The following CSMD3 variants were observed in gnomAD, a reference collection of about 807,000 sequenced individuals.
CSMD3 encodes the protein CUB and sushi domain-containing protein 3.
In CSMD3, 177 loss-of-function variants were observed where a neutral mutation model predicts 435.2. The observed-to-expected ratio is 0.41, with a 90% CI of 0.36 to 0.46. The LOEUF (loss-of-function observed/expected upper bound fraction) is 0.46, where lower values mean the gene tolerates loss of function less well. Ranked by LOEUF, CSMD3 falls within the 20% of genes least tolerant of loss-of-function variation. The pLI, the probability that CSMD3 is intolerant of heterozygous loss-of-function variation, is 0.34. For missense variants in CSMD3, 4,265 were observed against 4,504.6 expected (o/e 0.95, Z 1.52); for synonymous variants, 1,656 against 1,520.5 (o/e 1.09, Z -2.07).
At position 112,867,011 on chromosome 8, in the gene CSMD3, T is replaced by G. The variant is rs528057932; in HGVS notation, c.1634-7745A>C. 9.9e-5 allele frequency among the ~76,000 whole-genome samples: 15 copies of G among 152,230 alleles called. No homozygotes were observed. In the South Asian group the frequency reaches 2.7e-3, roughly 27 times the overall value. On this transcript the variant is annotated intron_variant, in intron 10 of 70. Transcript: ENST00000297405. ...ACTTACTTATTTAAATGTTTCTCAT[T>G]GGGCTGTGTTAGGCAAGACAATAAA...
intron 3 of CSMD3, among the ~76,000 whole-genome samples, chr8:113,201,696 T>C (rs1270876085): frequency 1.3e-5 from 2 of 152,080 alleles, no homozygotes; most frequent in East Asian, 3.9e-4. Context: ...AGAGACAGCA[T>C]GTGACTTTTG....
intron 1 of CSMD3, among the ~76,000 whole-genome samples, chr8:113,339,979 G>C (rs2094106832): frequency 6.6e-6 from 1 of 151,564 alleles, no homozygotes; most frequent in Non-Finnish European, 1.5e-5. Context: ...CTATAATCAA[G>C]GTGTATTTCT....
chr8:113,049,056 T>C lies in CSMD3; in HGVS notation c.918-29877A>G, dbSNP rs546176993. Among the ~76,000 whole-genome samples, 12 of 152,166 alleles carry C rather than the reference T, an allele frequency of 7.9e-5. 1 individual carries two copies. In the South Asian group the frequency reaches 2.3e-3, roughly 29 times the overall value. The stretch of plus-strand genomic sequence containing the variant: ...GAGTTCAAGACCAGCGTGGTCAACA[T>C]AGTGAAACCCCATCTCTAGTAAAAC... On this transcript the variant is annotated intron_variant, in intron 5 of 70. Transcript: ENST00000297405.
intron 11 of CSMD3, among the ~76,000 whole-genome samples, chr8:112,833,047 G>A (rs532127654): frequency 1.6e-4 from 24 of 152,004 alleles, no homozygotes; most frequent in African/African-American, 5.8e-4. Flanking sequence ...CCACAAATTG[G>A]CTTATTTTTA....
Position 113,267,823 on chromosome 8 carries a change from AAAG to A in CSMD3, c.514+10766_514+10768del, listed in dbSNP as rs2093484649. 3.3e-5 allele frequency among the ~76,000 whole-genome samples: 5 copies of A among 151,928 alleles called. No homozygotes were observed. The South Asian group carries it at 8.3e-4, about 25-fold the overall frequency. On this transcript the variant is annotated intron_variant, in intron 3 of 70. Coordinates refer to ENST00000297405, the MANE Select transcript of CSMD3 (RefSeq NM_198123.2). The stretch of plus-strand genomic sequence containing the variant: ...TCATGAATTTGCACAAATAAAAAAT[AAAG>A]AAAATGCAAAACTATACAAAAAGAC...
chr8:112,648,823 C>G (rs1009771312), intron 19 of CSMD3, among the ~76,000 whole-genome samples: 2 of 152,130 alleles, frequency 1.3e-5, no homozygotes, highest in Non-Finnish European at 2.9e-5. Context: ...GTCTGGCAAA[C>G]ATAGGACTTT....
intron 1 of CSMD3, among the ~76,000 whole-genome samples, chr8:113,402,268 A>T (rs2094513840): frequency 6.6e-6 from 1 of 151,356 alleles, no homozygotes; most frequent in South Asian, 2.1e-4. Flanking sequence ...AATTTGACTC[A>T]AAATTTACTG....
rs1203991072 is a variant in CSMD3 at position 112,794,285 on chromosome 8, C to CTTTT, written c.1972+5873_1972+5876dup. ...TTGCCCCAGATGCTGGACTGATAAA[C>CTTTT]TTTTTTTTTTTTTTTTTTTTTTTTT... On this transcript the variant is annotated intron_variant, in intron 13 of 70. Coordinates refer to ENST00000297405, the MANE Select transcript of CSMD3 (RefSeq NM_198123.2). Among the ~76,000 whole-genome samples the CTTTT allele has an allele frequency of 3.9e-4, 38 of 96,342 alleles. 7 individuals carry two copies. The highest frequency in any genetic ancestry group is 5.0e-4 in the African/African-American group (13 of 25,814). The allele number at this position is 96,342 out of a possible 152,430, so 63.2% of individuals were successfully genotyped here.
intron 3 of CSMD3, among the ~76,000 whole-genome samples, chr8:113,192,860 A>G (rs968017821): frequency 6.6e-6 from 1 of 151,214 alleles, no homozygotes; most frequent in Non-Finnish European, 1.5e-5. Flanking sequence ...TCTATGCTAG[A>G]GAACTTCTTC....
chr8:112,611,426 T>C (rs1407576344), intron 22 of CSMD3, among the ~76,000 whole-genome samples: 1 of 152,202 alleles, frequency 6.6e-6, no homozygotes, highest in Non-Finnish European at 1.5e-5. Context: ...ATTGTCTTCT[T>C]TATGTTAATA....
chr8:113,418,266 A>G (rs544739158), intron 1 of CSMD3, among the ~76,000 whole-genome samples: 1 of 152,306 alleles, frequency 6.6e-6, no homozygotes, highest in African/African-American at 2.4e-5. Context: ...TTTTAACTAG[A>G]GAGCATTTAG....
At chr8:112,913,161 G>A (rs187714759) in intron 10 of CSMD3, among the ~76,000 whole-genome samples, 4 of 151,930 alleles carry the variant, frequency 2.6e-5, no homozygotes, top group Admixed American at 2.6e-4. Context: ...TAGAGCAGTG[G>A]TCCCCAACCT....
intron 11 of CSMD3, among the ~76,000 whole-genome samples, chr8:112,854,435 A>G (rs1401491162): frequency 6.6e-6 from 1 of 152,174 alleles, no homozygotes; most frequent in Non-Finnish European, 1.5e-5. Context: ...CATATCCAAG[A>G]CTACAAGGAC....
At chr8:113,122,180 A>AT (rs1345631962) in intron 4 of CSMD3, among the ~76,000 whole-genome samples, 1 of 152,142 alleles carries the variant, frequency 6.6e-6, no homozygotes, top group African/African-American at 2.4e-5. Flanking sequence ...AGTTTCACTG[A>AT]TTGAGCATAT....
At position 112,314,544 on chromosome 8, in the gene CSMD3, G is replaced by A. The variant is rs1252729401; in HGVS notation, c.7434C>T (p.Tyr2478=). ...VILSPGYPDS[Y]PNLQMCAWSI... ...TCCATGCACACATTTGAAGATTTGG[G>A]TAACTGTCAGGATATCCAGGGCTCA... The change falls in exon 48 of 71, where the codon TAC becomes TAT. Residue 2478 remains tyrosine, a synonymous_variant. Transcript: ENST00000297405. 1 of 1,611,618 alleles carries A rather than the reference G, an allele frequency of 6.2e-7. No homozygotes were observed. Among genetic ancestry groups the A allele is most frequent in the Admixed American group, 1.7e-5 (1 of 59,966 alleles).
At chr8:113,394,400 C>G (rs1221659995) in intron 1 of CSMD3, among the ~76,000 whole-genome samples, 1 of 152,004 alleles carries the variant, frequency 6.6e-6, no homozygotes, top group East Asian at 1.9e-4. Context: ...TACCTTAGAA[C>G]AAAATTTAGA....
chr8:112,374,696 T>C (rs918223327), intron 38 of CSMD3, among the ~76,000 whole-genome samples: 2 of 152,230 alleles, frequency 1.3e-5, no homozygotes, highest in Admixed American at 6.5e-5. Flanking sequence ...ATTCAGCAAA[T>C]GCTTTGATGT....
chr8:112,941,840 G>C (rs1162165603), intron 9 of CSMD3, among the ~76,000 whole-genome samples: 1 of 151,358 alleles, frequency 6.6e-6, no homozygotes, highest in African/African-American at 2.4e-5. Context: ...AGAGTACAGA[G>C]GGTTCCCAAA....
intron 1 of CSMD3, among the ~76,000 whole-genome samples, chr8:113,436,154 A>T (rs1165252980): frequency 6.6e-6 from 1 of 152,128 alleles, no homozygotes; most frequent in Non-Finnish European, 1.5e-5. Context: ...ATTTACATAC[A>T]TATGCATGCA....
Sources: allele counts gnomAD v4.1 joint callset (sites outside exome capture counted in the v4.1 genomes callset), GRCh38; gene constraint gnomAD v4.1.1; transcripts MANE v1.5; gene names NCBI Gene and HGNC (gene_info 2026-07-23, HGNC 2026-07-21).